Variants in SH3BP5 observed in about 807,000 individuals in gnomAD.
The protein encoded by SH3BP5 is SH3 domain binding protein 5.
A neutral mutation model predicts 43.3 loss-of-function variants in SH3BP5; 22 were observed. That is an observed-to-expected ratio of 0.51 (90% CI 0.36 to 0.73). The LOEUF (loss-of-function observed/expected upper bound fraction) is 0.73. Ranked by LOEUF, SH3BP5 falls within the 30% of genes least tolerant of loss-of-function variation. The pLI, the probability that SH3BP5 is intolerant of heterozygous loss-of-function variation, is 0.00. For missense variants in SH3BP5, 529 were observed against 586.9 expected (o/e 0.90, Z 1.02); for synonymous variants, 255 against 225.8 (o/e 1.13, Z -1.16).
intron 4 of SH3BP5, among the ~76,000 whole-genome samples, chr3:15,263,160 AATTTTGAACT>A (rs1370555434): frequency 6.6e-6 from 1 of 152,202 alleles, no homozygotes; most frequent in African/African-American, 2.4e-5. Context: ...AAAACCAGAA[AATTTTGAACT>A]ATTTTCTGAT....
intron 3 of SH3BP5, among the ~76,000 whole-genome samples, chr3:15,298,282 G>A (rs1472979668): frequency 6.6e-6 from 1 of 151,918 alleles, no homozygotes; most frequent in Non-Finnish European, 1.5e-5. Context: ...CCATTTTATG[G>A]ATGAAAAAAA....
At chr3:15,284,494 A>G (rs1697211117) in intron 3 of SH3BP5, among the ~76,000 whole-genome samples, 1 of 152,232 alleles carries the variant, frequency 6.6e-6, no homozygotes, top group African/African-American at 2.4e-5. Context: ...CACACTTGAA[A>G]TAAATGGGTT....
intron 2 of SH3BP5, among the ~76,000 whole-genome samples, chr3:15,308,669 G>A (rs1264965114): frequency 6.6e-6 from 1 of 152,108 alleles, no homozygotes; most frequent in Non-Finnish European, 1.5e-5. Context: ...ACAATGGGAG[G>A]GCATGGCACA....
At chr3:15,336,922 C>T (rs980010263), upstream of SH3BP5, among the ~76,000 whole-genome samples, 18 of 152,118 alleles carry the variant, frequency 1.2e-4, no homozygotes, top group Admixed American at 1.1e-3. Context: ...AACTCCCTCA[C>T]GCTTCTCCCC....
intron 8 of SH3BP5, 156 bp from the exon 9 acceptor site, chr3:15,256,459 C>A (rs1053864078): frequency 1.4e-6 from 1 of 728,910 alleles, no homozygotes; most frequent in Admixed American, 2.3e-5. Flanking sequence ...CCCACTGTTA[C>A]CTACCGTGCC....
chr3:15,280,480 G>T (rs1697093119), intron 3 of SH3BP5, among the ~76,000 whole-genome samples: 2 of 152,134 alleles, frequency 1.3e-5, no homozygotes, highest in Admixed American at 6.5e-5. Flanking sequence ...GGGAGACGGA[G>T]ACAATGTAGA....
intron 3 of SH3BP5, among the ~76,000 whole-genome samples, chr3:15,283,755 G>C (rs1697191136): frequency 6.6e-6 from 1 of 152,154 alleles, no homozygotes; most frequent in Non-Finnish European, 1.5e-5. Context: ...CTTTCAAGGA[G>C]AGCCAAAACC....
chr3:15,273,902 G>A (rs528163064), intron 3 of SH3BP5, among the ~76,000 whole-genome samples: 1 of 152,296 alleles, frequency 6.6e-6, no homozygotes, highest in African/African-American at 2.4e-5. Context: ...ATATTAGGAA[G>A]TGGGGCCTTT....
chr3:15,317,775 T>G (rs1249120404), intron 2 of SH3BP5, among the ~76,000 whole-genome samples: 1 of 152,180 alleles, frequency 6.6e-6, no homozygotes, highest in Non-Finnish European at 1.5e-5. Flanking sequence ...TGGAAAAAAG[T>G]GTGCCCATCT....
At chr3:15,296,029 A>C (rs1333788838) in intron 3 of SH3BP5, among the ~76,000 whole-genome samples, 1 of 152,208 alleles carries the variant, frequency 6.6e-6, no homozygotes, top group Non-Finnish European at 1.5e-5. Flanking sequence ...TGATCAGCTG[A>C]CAAAAATGTT....
At chr3:15,321,524 T>C (rs1345128275) in intron 2 of SH3BP5, among the ~76,000 whole-genome samples, 1 of 152,064 alleles carries the variant, frequency 6.6e-6, no homozygotes, top group African/African-American at 2.4e-5. Context: ...ACTTTTTTTT[T>C]TTTTTACAAC....
chr3:15,322,582 A>T (rs1397858689), intron 2 of SH3BP5, among the ~76,000 whole-genome samples: 1 of 152,110 alleles, frequency 6.6e-6, no homozygotes, highest in Non-Finnish European at 1.5e-5. Flanking sequence ...TCATGCCTGT[A>T]ATCCCAACAC....
At chr3:15,261,345 G>C (rs1480885024) in intron 5 of SH3BP5, among the ~76,000 whole-genome samples, 1 of 152,228 alleles carries the variant, frequency 6.6e-6, no homozygotes, top group Non-Finnish European at 1.5e-5. Context: ...GGGTAGTACA[G>C]AGCCTAGGAG....
At chr3:15,296,834 T>C (rs1218464623) in intron 3 of SH3BP5, among the ~76,000 whole-genome samples, 1 of 135,038 alleles carries the variant, frequency 7.4e-6, no homozygotes, top group Non-Finnish European at 1.6e-5. Flanking sequence ...GCTAGGACCA[T>C]AAGCAAGCAC....
At chr3:15,289,256 C>T (rs1697344487) in intron 3 of SH3BP5, among the ~76,000 whole-genome samples, 1 of 152,198 alleles carries the variant, frequency 6.6e-6, no homozygotes, top group South Asian at 2.1e-4. Flanking sequence ...GTCAAGCCTC[C>T]CTTGCAGCTA....
At position 15,256,910 on chromosome 3, in the gene SH3BP5, A is replaced by G. The variant is rs748209564; in HGVS notation, c.1093T>C (p.Leu365=). 9.9e-6 allele frequency: 16 copies of G among 1,614,028 alleles called. No individual in the cohort carries two copies. The Middle Eastern group carries it at 4.9e-4, about 50-fold the overall frequency. Residue 365 remains leucine, a synonymous_variant, in exon 8 of 9, where the codon TTG becomes CTG. Transcript: ENST00000383791. ...LSEFGMMFPV[L]GPRSECSGAS... is the part of the protein sequence containing the mutation. ...CCGCTGCATTCACTTCGAGGGCCCA[A>G]CACTGGGAACATCATCCCAAACTCT...
At chr3:15,268,822 G>A (rs960364344) in intron 4 of SH3BP5, among the ~76,000 whole-genome samples, 13 of 152,136 alleles carry the variant, frequency 8.5e-5, no homozygotes, top group African/African-American at 2.7e-4. Flanking sequence ...GGTAATGAGG[G>A]TAGAACCATC....
At chr3:15,261,720 T>A (rs1289181321) in intron 5 of SH3BP5, among the ~76,000 whole-genome samples, 2 of 151,568 alleles carry the variant, frequency 1.3e-5, no homozygotes, top group African/African-American at 4.9e-5. Flanking sequence ...AAAACTCTAC[T>A]AAAGCCAGTC....
chr3:15,268,310 C>T (rs1291900295), intron 4 of SH3BP5, among the ~76,000 whole-genome samples: 2 of 152,220 alleles, frequency 1.3e-5, no homozygotes, highest in Non-Finnish European at 2.9e-5. Flanking sequence ...TGGCAGGTGA[C>T]ATTTAAAAGG....
Sources: gnomAD v4.1 joint callset for allele counts (sites outside exome capture counted in the v4.1 genomes callset) on GRCh38, gnomAD v4.1.1 for gene constraint, MANE v1.5 for transcripts, NCBI Gene and HGNC (gene_info 2026-07-23, HGNC 2026-07-21) for gene names.